CHRNA4: variants seen among roughly 807,000 people sequenced by gnomAD.
CHRNA4 encodes neuronal acetylcholine receptor subunit alpha-4.
CHRNA4 carries 28 observed loss-of-function variants against 48.9 expected under a neutral mutation model. The observed-to-expected ratio is 0.57, with a 90% confidence interval of 0.42 to 0.79. CHRNA4 has a LOEUF of 0.79. Among genes scored for constraint, CHRNA4 ranks in the 30% least tolerant of loss-of-function variants. The pLI is 0.00. For missense variants in CHRNA4, 859 were observed against 898.4 expected (o/e 0.96, Z 0.56); for synonymous variants, 425 against 402.3 (o/e 1.06, Z -0.68).
Position 63,345,192 on chromosome 20 carries a change from A to G in CHRNA4, c.*1546T>C, listed in dbSNP as rs1243304003. The G allele has an allele frequency of 2.2e-6, 1 of 447,616 alleles. No homozygotes were observed. Among genetic ancestry groups the G allele is most frequent in the African/African-American group, 2.0e-5 (1 of 50,000 alleles). The allele number at this position is 447,616 out of a possible 1,614,324, so 27.7% of individuals were successfully genotyped here. A position where few individuals can be genotyped will look rare whatever the true frequency, so the allele number is the denominator to read the frequency against. The stretch of plus-strand genomic sequence containing the variant: ...GCACCTCCTGACGAGACCCTGGCCC[A>G]GGAGAGCTCGGCTCGGGGACAGAGG... On this transcript the variant is annotated 3_prime_UTR_variant, in exon 6 of 6. Coordinates refer to ENST00000370263, the MANE Select transcript of CHRNA4 (RefSeq NM_000744.7). This position sits in a 1 kb window ranked among gnomAD's most constrained non-coding sequence, Gnocchi z 5.4.
chr20:63,350,339 T>G lies in CHRNA4; in HGVS notation c.1072A>C (p.Met358Leu). 1.2e-6 allele frequency: 2 copies of G among 1,613,448 alleles called. No individual in the cohort carries two copies. The highest frequency in any genetic ancestry group is 1.7e-6 in the Non-Finnish European group (2 of 1,180,026). The change falls in exon 5 of 6, where the codon ATG (methionine) becomes CTG (leucine). Residue 358 changes from methionine to leucine, a missense_variant. By Grantham distance (15) the Met-to-Leu change is conservative. Around this residue, in one of 3 missense-constraint regions of CHRNA4, gnomAD observed 478 missense variants for 455.4 expected, o/e 1.05. Transcript: ENST00000370263. The part of the protein sequence containing the change: ...FLDIVPRLLL[M>L]KRPSVVKDNC... ...TCCTTGACCACGGACGGCCGCTTCATGAGGAGCAGGCGTGGCACGATGTCC... is the reference window on the plus strand; with the variant it reads ...TCCTTGACCACGGACGGCCGCTTCAGGAGGAGCAGGCGTGGCACGATGTCC...
intron 3 of CHRNA4, 123 bp from the exon 4 acceptor site, chr20:63,356,207 G>T (rs1296987204): frequency 2.8e-6 from 2 of 716,780 alleles, no homozygotes; most frequent in Admixed American, 4.7e-5. Context: ...GGGGTGTGAG[G>T]GAGGGCAGGG....
chr20:63,358,268 C>T (rs772342417), intron 2 of CHRNA4, among the ~76,000 whole-genome samples: 6 of 152,186 alleles, frequency 3.9e-5, no homozygotes, highest in East Asian at 1.9e-4. Context: ...GCAGCCTGTC[C>T]GCGGGAATGT....
chr20:63,348,626 G>A (rs534789766), intron 5 of CHRNA4, among the ~76,000 whole-genome samples: 3 of 152,286 alleles, frequency 2.0e-5, no homozygotes, highest in East Asian at 3.9e-4. Context: ...CCCTGGCACC[G>A]GGACAAGAGC....
At chr20:63,348,793 C>T (rs2068535991) in intron 5 of CHRNA4, among the ~76,000 whole-genome samples, 1 of 136,594 alleles carries the variant, frequency 7.3e-6, no homozygotes, top group Non-Finnish European at 1.6e-5. Context: ...GGCCCCTGTG[C>T]CTCCCCCCAT....
At chr20:63,352,432 G>A (rs926542996) in intron 4 of CHRNA4, among the ~76,000 whole-genome samples, 2 of 152,154 alleles carry the variant, frequency 1.3e-5, no homozygotes, top group African/African-American at 4.8e-5. Context: ...CAACACCGCC[G>A]GCTGGGCTGC....
rs1275060934 is a variant in CHRNA4 at position 63,344,461 on chromosome 20, A to C, written c.*2277T>G. ...AAGGTTAATTTGGCGTGGTGGGAAT[A>C]TGGTGCTTTATTTGGATTTTTTTTT... is the stretch of plus-strand genomic sequence containing the variant. On this transcript the variant is annotated 3_prime_UTR_variant, in exon 6 of 6. Coordinates refer to ENST00000370263, the MANE Select transcript of CHRNA4 (RefSeq NM_000744.7). The surrounding 1 kb of genome is among the most constrained non-coding windows in gnomAD (Gnocchi z 4.5). 1 of 452,170 alleles carries C rather than the reference A, an allele frequency of 2.2e-6. No individual in the cohort carries two copies. Among genetic ancestry groups the C allele is most frequent in the Non-Finnish European group, 4.4e-6 (1 of 226,416 alleles). The allele number at this position is 452,170 out of a possible 1,614,324, so 28.0% of individuals were successfully genotyped here.
In CHRNA4 at chr20:63,350,038, G is replaced by A. The variant is rs121912277; in HGVS notation, c.1373C>T (p.Pro458Leu). 3.6e-5 allele frequency: 54 copies of A among 1,515,694 alleles called. No homozygotes were observed. In the African/African-American group the frequency reaches 6.1e-4, roughly 17 times the overall value. 93.9% of individuals were successfully genotyped at this position (1,515,694 alleles called of 1,614,324 possible). A position where few individuals can be genotyped will look rare whatever the true frequency, so the allele number is the denominator to read the frequency against. The change falls in exon 5 of 6, where the codon CCA becomes CTA. Residue 458 changes from proline to leucine, a missense_variant. This residue lies in a region of CHRNA4 where 478 missense variants were observed against 455.4 expected (regional missense o/e 1.05). Coordinates refer to ENST00000370263, the MANE Select transcript of CHRNA4 (RefSeq NM_000744.7). ...GAGGGACCTGGCTTTGGCCAGCCCT[G>A]GTGCCTGGGTGCCGTGGGGCGGGCG... ...PCRPPHGTQA[P>L]GLAKARSLSV... is the part of the protein sequence containing the mutation.
intron 5 of CHRNA4, among the ~76,000 whole-genome samples, chr20:63,347,881 G>C (rs1481600132): frequency 1.3e-5 from 2 of 152,080 alleles, no homozygotes; most frequent in Non-Finnish European, 2.9e-5. Context: ...CGGGTCTCCT[G>C]ATGGTGTTAA....
intron 4 of CHRNA4, among the ~76,000 whole-genome samples, chr20:63,353,961 C>T (rs553499387): frequency 9.3e-4 from 4 of 4,318 alleles, no homozygotes; most frequent in Non-Finnish European, 1.3e-3. Flanking sequence ...GGGGGGGCTG[C>T]GGTCCTGGGA....
chr20:63,346,703 G>T lies in CHRNA4; in HGVS notation c.*35C>A. ...CCGCATGGATGCTGGCCCCGTGCACGGCAGCCCCAGGCCACGCAGGCTCCC... is the reference window on the plus strand; with the variant it reads ...CCGCATGGATGCTGGCCCCGTGCACTGCAGCCCCAGGCCACGCAGGCTCCC... On this transcript the variant is annotated 3_prime_UTR_variant, in exon 6 of 6. Coordinates refer to ENST00000370263, the MANE Select transcript of CHRNA4 (RefSeq NM_000744.7). The T allele has an allele frequency of 6.3e-7, 1 of 1,588,758 alleles. No homozygotes were observed. Among genetic ancestry groups the T allele is most frequent in the Non-Finnish European group, 8.5e-7 (1 of 1,172,410 alleles).
At chr20:63,356,604 C>T in intron 2 of CHRNA4, 189 bp from the exon 3 acceptor site, 1 of 644,290 alleles carries the variant, frequency 1.6e-6, no homozygotes, top group South Asian at 1.7e-5. Context: ...TCTGAGGGGA[C>T]CTAGGGATGT....
At chr20:63,351,095 T>C in intron 4 of CHRNA4, 68 bp from the exon 5 acceptor site, 2 of 1,334,366 alleles carry the variant, frequency 1.5e-6, no homozygotes, top group Non-Finnish European at 2.1e-6. Flanking sequence ...CCACGCCCAC[T>C]GCCACACCCA....
intron 4 of CHRNA4, chr20:63,355,557 T>C: frequency 2.3e-6 from 3 of 1,294,232 alleles, no homozygotes; most frequent in Non-Finnish European, 3.0e-6. Context: ...TGGGGTCTGA[T>C]GGCGAAAAGC....
chr20:63,351,160 CAT>C (rs2068597162), intron 4 of CHRNA4, 133 bp from the exon 5 acceptor site: 3 of 690,376 alleles, frequency 4.3e-6, no homozygotes, highest in Non-Finnish European at 4.7e-6. Context: ...TCCACGCCCA[CAT>C]CCACGTCCAC....
At chr20:63,359,864 G>C in intron 1 of CHRNA4, 165 bp from the exon 2 acceptor site, 1 of 670,298 alleles carries the variant, frequency 1.5e-6, no homozygotes, top group Non-Finnish European at 2.3e-6. Flanking sequence ...TGCCGGGCGT[G>C]CGCTCTGTGT....
Position 63,343,644 on chromosome 20 carries a change from A to C in CHRNA4, c.*3094T>G. The stretch of plus-strand genomic sequence containing the variant: ...TCGCCCCAGGCCGGGCCACACGGGA[A>C]GCACCCAGGCCGGTCCGGAGGCAGA... On this transcript the variant is annotated 3_prime_UTR_variant, in exon 6 of 6. Transcript: ENST00000370263. 2.2e-6 allele frequency: 1 copy of C among 452,082 alleles called. No individual in the cohort carries two copies. The highest frequency in any genetic ancestry group is 7.0e-5 in the East Asian group (1 of 14,354). 28.0% of individuals were successfully genotyped at this position (452,082 alleles called of 1,614,324 possible). A position where few individuals can be genotyped will look rare whatever the true frequency, so the allele number is the denominator to read the frequency against.
At chr20:63,359,911 G>GCCGGGCGTGCGCTGTGTA in intron 1 of CHRNA4, 1 of 518,632 alleles carries the variant, frequency 1.9e-6, no homozygotes, top group Non-Finnish European at 3.5e-6. Context: ...GTGTGTGTGT[G>GCCGGGCGTGCGCTGTGTA]TGTGTGTGTG....
In CHRNA4 at chr20:63,346,375, G is replaced by A. The variant is rs545068852; in HGVS notation, c.*363C>T. On this transcript the variant is annotated 3_prime_UTR_variant, in exon 6 of 6. Coordinates refer to ENST00000370263, the MANE Select transcript of CHRNA4 (RefSeq NM_000744.7). Reference sequence around the variant, plus strand: ...CCTTCAAGGGCCCCTTGGGGCGGTCGGGACCATCACCAGATCTGCTGAGAG... The same window carrying A: ...CCTTCAAGGGCCCCTTGGGGCGGTCAGGACCATCACCAGATCTGCTGAGAG... 4.1e-5 allele frequency: 20 copies of A among 483,506 alleles called. No homozygotes were observed. In the East Asian group the frequency reaches 6.5e-4, roughly 16 times the overall value. The allele number at this position is 483,506 out of a possible 1,614,324, so 30.0% of individuals were successfully genotyped here.
Sources: allele counts gnomAD v4.1 joint callset (sites outside exome capture counted in the v4.1 genomes callset), GRCh38; gene constraint gnomAD v4.1.1; regional missense constraint gnomAD v4.1.1; non-coding constraint Gnocchi (gnomAD v3.1); transcripts MANE v1.5; gene names NCBI Gene and HGNC (gene_info 2026-07-23, HGNC 2026-07-21).